Variants in KDM2B observed in about 807,000 individuals in gnomAD.
KDM2B encodes the protein lysine demethylase 2B.
Under a neutral mutation model 150.0 loss-of-function variants are expected in KDM2B, and 26 were observed. The observed-to-expected ratio is 0.17, with a 90% CI of 0.13 to 0.24. KDM2B has a LOEUF of 0.24. Ranked by LOEUF, KDM2B falls within the 10% of genes least tolerant of loss-of-function variation. The pLI, the probability that KDM2B is intolerant of heterozygous loss-of-function variation, is 1.00. For missense variants in KDM2B, 1,265 were observed against 1,816.9 expected, an observed-to-expected ratio of 0.70 and a Z score of 5.52; for synonymous variants, 734 against 729.5, an observed-to-expected ratio of 1.01 and a Z score of -0.10.
chr12:121,534,348 C>CA (rs371399318), intron 7 of KDM2B, 149 bp downstream of exon 7: 43,528 of 478,840 alleles, frequency 0.091, 4 homozygotes, highest in Non-Finnish European at 0.1. Flanking sequence ...GACTCCATCT[C>CA]AAAAAAAAAA....
At chr12:121,561,413 A>G (rs1890330438) in intron 4 of KDM2B, among the ~76,000 whole-genome samples, 1 of 152,176 alleles carries the variant, frequency 6.6e-6, no homozygotes, top group African/African-American at 2.4e-5. Flanking sequence ...CACTGGTCAC[A>G]GGTTCAAATC....
At chr12:121,577,964 C>T (rs543907660) in intron 2 of KDM2B, among the ~76,000 whole-genome samples, 2 of 152,228 alleles carry the variant, frequency 1.3e-5, no homozygotes, top group African/African-American at 4.8e-5. Flanking sequence ...AAACTCAGGC[C>T]GTGAAGGTCT....
chr12:121,450,836 G>A (rs1318468146), intron 13 of KDM2B, among the ~76,000 whole-genome samples: 2 of 144,224 alleles, frequency 1.4e-5, no homozygotes, highest in Non-Finnish European at 3.0e-5. Context: ...ACTCCAGCCT[G>A]GGTGACAGAG....
intron 6 of KDM2B, among the ~76,000 whole-genome samples, chr12:121,547,486 G>T (rs576156444): frequency 6.6e-6 from 1 of 152,276 alleles, no homozygotes; most frequent in South Asian, 2.1e-4. Flanking sequence ...ATTAAGGGCT[G>T]AGTGAATGAA....
intron 11 of KDM2B, among the ~76,000 whole-genome samples, chr12:121,505,766 C>A (rs529361108): frequency 3.3e-5 from 5 of 152,270 alleles, no homozygotes; most frequent in Admixed American, 2.0e-4. Flanking sequence ...CAACAGGAAA[C>A]CACCACAGCC....
chr12:121,478,118 C>T (rs1478349771), intron 12 of KDM2B, among the ~76,000 whole-genome samples: 1 of 151,984 alleles, frequency 6.6e-6, no homozygotes, highest in Non-Finnish European at 1.5e-5. Context: ...AACCCTCCCG[C>T]CTTGGCCTCC....
At chr12:121,472,843 C>A (rs1880913330) in intron 12 of KDM2B, among the ~76,000 whole-genome samples, 1 of 152,136 alleles carries the variant, frequency 6.6e-6, no homozygotes, top group African/African-American at 2.4e-5. Context: ...TTATAAACCA[C>A]CCCCACATAA....
chr12:121,434,023 C>G (rs1024718002), intron 22 of KDM2B, among the ~76,000 whole-genome samples: 62 of 151,806 alleles, frequency 4.1e-4, no homozygotes, highest in African/African-American at 1.5e-3. Flanking sequence ...TATAAAAAAA[C>G]AAAAAACACC....
At chr12:121,441,353 G>C (rs1380222909) in intron 19 of KDM2B, 120 bp from the exon 20 acceptor site, 15 of 929,538 alleles carry the variant, frequency 1.6e-5, no homozygotes, top group Non-Finnish European at 2.2e-5. Flanking sequence ...TCAGCGCTCT[G>C]GACCCTTCTC....
At position 121,521,172 on chromosome 12, in the gene KDM2B, G is replaced by T; in HGVS notation, c.932-72C>A. On this transcript the variant is annotated intron_variant, in intron 8 of 22. Transcript: ENST00000377071. The surrounding 1 kb of genome is among the most constrained non-coding windows in gnomAD (Gnocchi z 4.9). Reference sequence around the variant, plus strand: ...GCTCCCACACCTCACAAGGCTGCAGGGAGGGAGAGCGAGCGTGCAGGAGGG... The same window carrying T: ...GCTCCCACACCTCACAAGGCTGCAGTGAGGGAGAGCGAGCGTGCAGGAGGG... The T allele has an allele frequency of 9.4e-7, 1 of 1,066,586 alleles. No homozygotes were observed. Among genetic ancestry groups the T allele is most frequent in the East Asian group, 2.6e-5 (1 of 38,672 alleles). 66.1% of individuals were successfully genotyped at this position (1,066,586 alleles called of 1,614,324 possible).
rs902517948 is a variant in KDM2B, at chr12:121,568,746, G to A, written c.397+5801C>T. On this transcript the variant is annotated intron_variant, in intron 4 of 22. Coordinates refer to ENST00000377071, the MANE Select transcript of KDM2B (RefSeq NM_032590.5). Reference sequence around the variant, plus strand: ...CTGGTTACCCTGATGTGTTCAGTTTGTTAAAATTAATCGAGCTACGTGGTT... The same window carrying A: ...CTGGTTACCCTGATGTGTTCAGTTTATTAAAATTAATCGAGCTACGTGGTT... Among the ~76,000 whole-genome samples the A allele has an allele frequency of 2.0e-5, 3 of 151,496 alleles. No individual in the cohort carries two copies. The East Asian group carries it at 5.8e-4, about 29-fold the overall frequency.
intron 13 of KDM2B, among the ~76,000 whole-genome samples, chr12:121,450,951 C>T (rs1205755561): frequency 6.6e-6 from 1 of 152,072 alleles, no homozygotes; most frequent in African/African-American, 2.4e-5. Context: ...TACAGAGGTT[C>T]CTCAAAAAGT....
chr12:121,548,902 C>T lies in KDM2B; in HGVS notation c.658G>A (p.Glu220Lys), dbSNP rs1566404977. Reference protein sequence around the residue: ...KQTEATNAIAEMKYPKVKKYC... With the variant: ...KQTEATNAIAKMKYPKVKKYC... ...TTTTTCACTTTCGGGTACTTCATCT[C>T]TGCAATGGCGTTCGTGGCTTCTGTC... The change falls in exon 6 of 23, where the codon GAG (glutamate) becomes AAG (lysine). Residue 220 changes from glutamate to lysine, a missense_variant. Physicochemically the swap from Glu to Lys is moderately conservative, Grantham distance 56. Transcript: ENST00000377071. 1.9e-6 allele frequency: 3 copies of T among 1,614,074 alleles called. No homozygotes were observed. The highest frequency in any genetic ancestry group is 1.7e-5 in the Admixed American group (1 of 60,002).
chr12:121,580,514 G>A (rs1891891584), intron 1 of KDM2B: 11 of 1,263,372 alleles, frequency 8.7e-6, no homozygotes, highest in Middle Eastern at 3.1e-4. Flanking sequence ...GTTGTGTGCA[G>A]AGCTGACTTT....
chr12:121,479,400 G>C (rs1409749156), intron 12 of KDM2B, among the ~76,000 whole-genome samples: 2 of 150,756 alleles, frequency 1.3e-5, no homozygotes, highest in African/African-American at 4.9e-5. Context: ...CCGGGAGGCG[G>C]AGCTTGCAAT....
At chr12:121,433,219 A>G in intron 22 of KDM2B, 1 of 456,680 alleles carries the variant, frequency 2.2e-6, no homozygotes, top group South Asian at 1.5e-5. Context: ...TAGAAGGAAA[A>G]GACTTTCTTT....
At chr12:121,560,021 T>C (rs1397173186) in intron 4 of KDM2B, among the ~76,000 whole-genome samples, 1 of 152,170 alleles carries the variant, frequency 6.6e-6, no homozygotes, top group Non-Finnish European at 1.5e-5. Flanking sequence ...TATGTTTTTA[T>C]TTAGGAGACG....
At chr12:121,523,927 G>T (rs1365344874) in intron 8 of KDM2B, among the ~76,000 whole-genome samples, 2 of 152,180 alleles carry the variant, frequency 1.3e-5, no homozygotes, top group East Asian at 3.9e-4. Context: ...CTGCCGCCCT[G>T]AAAGAGCCTC....
intron 12 of KDM2B, among the ~76,000 whole-genome samples, chr12:121,471,419 T>C (rs1166282621): frequency 2.0e-5 from 3 of 152,170 alleles, no homozygotes; most frequent in Admixed American, 6.5e-5. Flanking sequence ...TCTCTCTGGG[T>C]GTCGTGTACA....
Sources: gnomAD v4.1 joint callset for allele counts (sites outside exome capture counted in the v4.1 genomes callset) on GRCh38, gnomAD v4.1.1 for gene constraint, Gnocchi (gnomAD v3.1) non-coding constraint, MANE v1.5 for transcripts, NCBI Gene and HGNC (gene_info 2026-07-23, HGNC 2026-07-21) for gene names.